The following DTNA variants were observed in gnomAD, a reference collection of about 807,000 sequenced individuals.
DTNA encodes dystrobrevin alpha, also known as dystrophin-related protein 3.
DTNA carries 43 observed loss-of-function variants against 100.7 expected under a neutral mutation model. That is an observed-to-expected ratio of 0.43 (90% confidence interval 0.33 to 0.55). DTNA has a LOEUF of 0.55. Among genes scored for constraint, DTNA ranks in the 20% least tolerant of loss-of-function variants. The probability of loss-of-function intolerance (pLI) is 0.04; values close to 1 mark genes in which losing one functional copy is unlikely to be tolerated. For synonymous variants in DTNA, 349 were observed against 347.9 expected, an observed-to-expected ratio of 1.00 and a Z score of -0.04; for missense variants, 798 against 953.9, an observed-to-expected ratio of 0.84 and a Z score of 2.15.
chr18:34,703,676 C>G (rs2081712575), intron 1 of DTNA, among the ~76,000 whole-genome samples: 1 of 152,122 alleles, frequency 6.6e-6, no homozygotes, highest in Admixed American at 6.5e-5. Flanking sequence ...TATTTGCCAC[C>G]ACAGACACCC....
At chr18:34,598,368 T>C (rs939135698) in intron 1 of DTNA, among the ~76,000 whole-genome samples, 3 of 152,162 alleles carry the variant, frequency 2.0e-5, no homozygotes, top group African/African-American at 7.2e-5. Flanking sequence ...TCAACAAATC[T>C]AGTCCAGAAT....
At chr18:34,789,030 C>T (rs2094607688) in intron 3 of DTNA, among the ~76,000 whole-genome samples, 1 of 152,090 alleles carries the variant, frequency 6.6e-6, no homozygotes, top group African/African-American at 2.4e-5. Flanking sequence ...AGGAATAATA[C>T]AATGTATAAA....
At chr18:34,495,837 C>T (rs1304058789) in intron 1 of DTNA, among the ~76,000 whole-genome samples, 1 of 152,100 alleles carries the variant, frequency 6.6e-6, no homozygotes, top group Non-Finnish European at 1.5e-5. Context: ...ATGGGGTGAG[C>T]TCCAACTTAC....
chr18:34,873,136 G>T (rs1222314736), intron 17 of DTNA, among the ~76,000 whole-genome samples: 1 of 152,170 alleles, frequency 6.6e-6, no homozygotes, highest in Admixed American at 6.5e-5. Flanking sequence ...CACTGTACTA[G>T]GAAAATGAAA....
chr18:34,820,940 TAG>T (rs1381769449), intron 9 of DTNA, 25 bp downstream of exon 9: 1 of 1,609,164 alleles, frequency 6.2e-7, no homozygotes, highest in Non-Finnish European at 8.5e-7. Context: ...CCTCCCAGTA[TAG>T]AGACAATTTT....
intron 1 of DTNA, among the ~76,000 whole-genome samples, chr18:34,697,400 CTT>C (rs1381275145): frequency 6.6e-6 from 1 of 152,168 alleles, no homozygotes; most frequent in Non-Finnish European, 1.5e-5. Context: ...TTCTGAAACT[CTT>C]TGTCTCCACA....
intron 7 of DTNA, among the ~76,000 whole-genome samples, chr18:34,816,672 T>C (rs1180726809): frequency 6.6e-6 from 1 of 152,194 alleles, no homozygotes; most frequent in Non-Finnish European, 1.5e-5. Context: ...TTCCTACTTA[T>C]TGTTCAATGT....
chr18:34,571,180 TCTAA>T (rs2047551325), intron 1 of DTNA, among the ~76,000 whole-genome samples: 1 of 152,174 alleles, frequency 6.6e-6, no homozygotes, highest in Non-Finnish European at 1.5e-5. Flanking sequence ...AGTTCTCAAC[TCTAA>T]CTACAGAGCA....
intron 13 of DTNA, among the ~76,000 whole-genome samples, chr18:34,839,967 C>T (rs940627499): frequency 5.3e-5 from 8 of 152,066 alleles, no homozygotes; most frequent in South Asian, 2.1e-4. Context: ...TGTTATTAGC[C>T]GCTTTGTTTC....
intron 19 of DTNA, 142 bp downstream of exon 19, chr18:34,877,950 A>C: frequency 1.2e-6 from 1 of 810,450 alleles, no homozygotes; most frequent in Middle Eastern, 2.7e-4. Context: ...GTCTATTCAG[A>C]TTTGAGGGGT....
intron 1 of DTNA, among the ~76,000 whole-genome samples, chr18:34,571,689 A>G (rs769642544): frequency 6.6e-5 from 10 of 152,186 alleles, no homozygotes; most frequent in Non-Finnish European, 1.2e-4. Flanking sequence ...ATCCTGTTTA[A>G]TTTAAATTAA....
chr18:34,614,064 A>G (rs902933794), intron 1 of DTNA, among the ~76,000 whole-genome samples: 4 of 152,190 alleles, frequency 2.6e-5, no homozygotes, highest in African/African-American at 7.2e-5. Context: ...CTTATTTGTC[A>G]TTCAAAGACC....
chr18:34,541,923 C>T (rs2044284504), intron 1 of DTNA, among the ~76,000 whole-genome samples: 1 of 151,940 alleles, frequency 6.6e-6, no homozygotes, highest in African/African-American at 2.4e-5. Context: ...AAGTGAAGGT[C>T]AACAACCCTA....
intron 1 of DTNA, among the ~76,000 whole-genome samples, chr18:34,719,008 TC>T (rs968512835): frequency 2.0e-5 from 3 of 151,952 alleles, no homozygotes; most frequent in African/African-American, 7.3e-5. Context: ...TGGAGAACAG[TC>T]ATAGAACATG....
At chr18:34,500,716 G>A (rs1270398353) in intron 1 of DTNA, among the ~76,000 whole-genome samples, 6 of 151,706 alleles carry the variant, frequency 4.0e-5, no homozygotes, top group East Asian at 1.9e-4. Context: ...CACCTGTATC[G>A]GCCTCCCAAA....
intron 13 of DTNA, 122 bp downstream of exon 13, chr18:34,838,959 C>A: frequency 1.3e-6 from 1 of 792,584 alleles, no homozygotes; most frequent in East Asian, 2.6e-5. Flanking sequence ...GCACTGTTAA[C>A]TGGTTCAGTT....
intron 1 of DTNA, among the ~76,000 whole-genome samples, chr18:34,518,777 T>C (rs1475654050): frequency 6.7e-6 from 1 of 149,896 alleles, no homozygotes; most frequent in Non-Finnish European, 1.5e-5. Flanking sequence ...TATTAGGTAG[T>C]AAAGACGGGA....
At chr18:34,838,286 C>T in intron 12 of DTNA, 115 bp downstream of exon 12, 1 of 1,166,422 alleles carries the variant, frequency 8.6e-7, no homozygotes, top group Non-Finnish European at 1.2e-6. Flanking sequence ...GTAAAAGCAG[C>T]TCTGCTTTAA....
intron 5 of DTNA, among the ~76,000 whole-genome samples, 163 bp from the exon 6 acceptor site, chr18:34,811,796 C>T (rs891615165): frequency 1.3e-5 from 2 of 152,170 alleles, no homozygotes; most frequent in African/African-American, 2.4e-5. Flanking sequence ...CCAGAGAAAA[C>T]ATTATGCCAG....
Sources: gnomAD v4.1 joint callset for allele counts (sites outside exome capture counted in the v4.1 genomes callset) on GRCh38, gnomAD v4.1.1 for gene constraint, MANE v1.5 for transcripts, NCBI Gene and HGNC (gene_info 2026-07-23, HGNC 2026-07-21) for gene names.